INTS15: variants seen among roughly 807,000 people sequenced by gnomAD.
The protein encoded by INTS15 is uncharacterized protein C7orf26.
At chr7:6,594,431 C>A in the INTS15 span, 40 of 1,613,894 alleles carry the variant, frequency 2.5e-5, no homozygotes, top group Non-Finnish European at 3.2e-5. Flanking sequence ...TGGCTTCTTT[C>A]CAGCGGACGC....
At chr7:6,591,988 A>T in the INTS15 span, 1 of 798,882 alleles carries the variant, frequency 1.3e-6, no homozygotes, top group Non-Finnish European at 2.0e-6. Context: ...CCTGACCAAC[A>T]TGGCGAAATC....
chr7:6,598,751 G>GTGTGTGTGTGTT, the INTS15 span, among the ~76,000 whole-genome samples: 1 of 100,100 alleles, frequency 1.0e-5, no homozygotes, highest in Admixed American at 1.1e-4. Flanking sequence ...GTGTGTGTGT[G>GTGTGTGTGTGTT]TGTGTGTGTG....
chr7:6,602,041 T>C, the INTS15 span: 2 of 1,432,164 alleles, frequency 1.4e-6, no homozygotes, highest in Non-Finnish European at 2.0e-6. Flanking sequence ...AGAACGTCAG[T>C]GTGTATTTCA....
the INTS15 span, among the ~76,000 whole-genome samples, chr7:6,598,735 T>TTGTGTG: frequency 0.14 from 11,845 of 83,354 alleles, 1,349 homozygotes; most frequent in Middle Eastern, 0.17. Flanking sequence ...GCTGTATGCT[T>TTGTGTG]TGTGTGTGTG....
chr7:6,603,937 G>A, the INTS15 span, among the ~76,000 whole-genome samples: 1 of 152,090 alleles, frequency 6.6e-6, no homozygotes, highest in Non-Finnish European at 1.5e-5. Context: ...AGGAGTTTGA[G>A]GCTGCACTGA....
chr7:6,600,972 A>C, the INTS15 span, among the ~76,000 whole-genome samples: 1 of 148,604 alleles, frequency 6.7e-6, no homozygotes, highest in African/African-American at 2.5e-5. Flanking sequence ...ATTTCTCTTT[A>C]TTTATTTTTA....
At chr7:6,607,087 G>A in the INTS15 span, among the ~76,000 whole-genome samples, 1 of 152,030 alleles carries the variant, frequency 6.6e-6, no homozygotes, top group Admixed American at 6.6e-5. The surrounding 1 kb of genome is among the most constrained non-coding windows in gnomAD (Gnocchi z 6.0). Flanking sequence ...GGCTGGGGGA[G>A]CTGGGGGTGA....
At chr7:6,594,940 C>A in the INTS15 span, among the ~76,000 whole-genome samples, 1 of 151,992 alleles carries the variant, frequency 6.6e-6, no homozygotes, top group Non-Finnish European at 1.5e-5. Context: ...GTTGGCCAGG[C>A]CGATCTCAAA....
At chr7:6,595,055 A>G in the INTS15 span, among the ~76,000 whole-genome samples, 3 of 146,206 alleles carry the variant, frequency 2.1e-5, no homozygotes, top group East Asian at 2.0e-4. Context: ...TTTTTGAGAC[A>G]GGGTTTCACT....
At chr7:6,591,474 C>T in the INTS15 span, among the ~76,000 whole-genome samples, 1 of 152,022 alleles carries the variant, frequency 6.6e-6, no homozygotes, top group African/African-American at 2.4e-5. Context: ...CCATGTTGGC[C>T]AGGCTGGTCT....
chr7:6,607,798 C>T, the INTS15 span: 2 of 1,486,724 alleles, frequency 1.3e-6, no homozygotes, highest in Non-Finnish European at 1.8e-6. This position sits in a 1 kb window ranked among gnomAD's most constrained non-coding sequence, Gnocchi z 6.0. Flanking sequence ...GGTCCTGGCT[C>T]TGCCACTGCT....
At chr7:6,607,432 C>CGCGGG in the INTS15 span, 59 of 664,924 alleles carry the variant, frequency 8.9e-5, no homozygotes, top group South Asian at 8.9e-4. This position sits in a 1 kb window ranked among gnomAD's most constrained non-coding sequence, Gnocchi z 6.0. Flanking sequence ...GCTGAGGCTG[C>CGCGGG]GCGGGGCGGG....
At chr7:6,591,753 C>T in the INTS15 span, 1 of 1,614,138 alleles carries the variant, frequency 6.2e-7, no homozygotes, top group Middle Eastern at 1.6e-4. Flanking sequence ...CCCTTTTCAG[C>T]CCTCAAGGGA....
At chr7:6,595,889 C>T in the INTS15 span, among the ~76,000 whole-genome samples, 1 of 152,138 alleles carries the variant, frequency 6.6e-6, no homozygotes, top group Non-Finnish European at 1.5e-5. Flanking sequence ...ATTCCTCCTC[C>T]TCTGCCCTTG....
chr7:6,590,763 A>G, the INTS15 span, among the ~76,000 whole-genome samples: 1 of 151,826 alleles, frequency 6.6e-6, no homozygotes, highest in African/African-American at 2.4e-5. Flanking sequence ...CGAAAGGCTC[A>G]TCCTGAACCC....
chr7:6,603,278 T>C, the INTS15 span, among the ~76,000 whole-genome samples: 1 of 151,476 alleles, frequency 6.6e-6, no homozygotes. Flanking sequence ...CCAGATGTGG[T>C]GGCTCATACC....
the INTS15 span, among the ~76,000 whole-genome samples, chr7:6,592,586 T>A: frequency 8.6e-5 from 13 of 151,950 alleles, no homozygotes; most frequent in Middle Eastern, 3.4e-3. Flanking sequence ...ACTTTTTTTT[T>A]AAATTAGGGT....
the INTS15 span, among the ~76,000 whole-genome samples, chr7:6,594,795 A>C: frequency 6.6e-6 from 1 of 152,068 alleles, no homozygotes; most frequent in Admixed American, 6.6e-5. Flanking sequence ...ATCTCAGCTC[A>C]CTGTAACCTC....
At chr7:6,590,437 G>C in the INTS15 span, 3 of 1,599,662 alleles carry the variant, frequency 1.9e-6, no homozygotes, top group Non-Finnish European at 2.6e-6. Context: ...GGAGGAGTTC[G>C]TGTTCCAGGT....
Sources: allele counts gnomAD v4.1 joint callset (sites outside exome capture counted in the v4.1 genomes callset), GRCh38; gene constraint gnomAD v4.1.1; non-coding constraint Gnocchi (gnomAD v3.1); transcripts MANE v1.5; gene names NCBI Gene and HGNC (gene_info 2026-07-23, HGNC 2026-07-21).